The following CCDC122 variants were observed in gnomAD, a reference collection of about 807,000 sequenced individuals.
CCDC122 encodes coiled-coil domain containing 122, also known as coiled-coil domain-containing protein 122.
CCDC122 carries 38 observed loss-of-function variants against 37.0 expected under a neutral mutation model. That is an observed-to-expected ratio of 1.03 (90% CI 0.79 to 1.35). CCDC122 has a LOEUF of 1.35. CCDC122 is among the 40% of genes most tolerant of loss of function. CCDC122 has a pLI of 0.00. For missense variants in CCDC122, 305 were observed against 310.0 expected (o/e 0.98, Z 0.12); for synonymous variants, 83 against 95.6 (o/e 0.87, Z 0.77).
At chr13:43,841,075 G>A (rs560736368) in intron 6 of CCDC122, among the ~76,000 whole-genome samples, 2 of 152,202 alleles carry the variant, frequency 1.3e-5, no homozygotes, top group South Asian at 4.1e-4. Flanking sequence ...TCGGACAGTG[G>A]GTGCAGGACA....
At chr13:43,846,959 G>C (rs1953559764) in intron 6 of CCDC122, among the ~76,000 whole-genome samples, 1 of 152,198 alleles carries the variant, frequency 6.6e-6, no homozygotes, top group South Asian at 2.1e-4. Flanking sequence ...TTACGTAACA[G>C]AAAGAGCACA....
downstream of CCDC122, among the ~76,000 whole-genome samples, chr13:43,832,863 T>C (rs1953102941): frequency 6.6e-6 from 1 of 152,160 alleles, no homozygotes; most frequent in Non-Finnish European, 1.5e-5. Context: ...AAATAATACA[T>C]GCTTTAGACT....
intron 2 of CCDC122, among the ~76,000 whole-genome samples, chr13:43,871,072 T>C (rs1408551338): frequency 1.3e-5 from 2 of 152,120 alleles, no homozygotes; most frequent in African/African-American, 2.4e-5. Flanking sequence ...CCGCGTATAC[T>C]GTATATTTGA....
intron 6 of CCDC122, among the ~76,000 whole-genome samples, chr13:43,838,298 C>T (rs553027766): frequency 6.6e-6 from 1 of 152,162 alleles, no homozygotes; most frequent in East Asian, 1.9e-4. Context: ...TTCCTGTATA[C>T]AGTGATTCAC....
intron 6 of CCDC122, among the ~76,000 whole-genome samples, chr13:43,845,711 A>AAAAACAAAACAAAACAAAAC (rs59721051): frequency 6.6e-6 from 1 of 150,980 alleles, no homozygotes; most frequent in African/African-American, 2.4e-5. Flanking sequence ...CTCCATCTCT[A>AAAAACAAAACAAAACAAAAC]AAAACAAAAC....
At position 43,877,393 on chromosome 13, in the gene CCDC122, C is replaced by A. The variant is rs550388412; in HGVS notation, c.-200+2238G>T. ...TTCATGATTCTGTGGTTTAACTGAC[C>A]TTTTTTCTTATAAAAAAAGCCTTTT... On this transcript the variant is annotated intron_variant, in intron 1 of 6. Transcript: ENST00000444614. Among the ~76,000 whole-genome samples the A allele has an allele frequency of 3.9e-5, 6 of 152,130 alleles. No homozygotes were observed. In the South Asian group the frequency reaches 8.3e-4, roughly 21 times the overall value.
Position 43,837,368 on chromosome 13 carries a change from T to A in CCDC122, c.734A>T (p.Gln245Leu), listed in dbSNP as rs75926034. 1 of 1,614,104 alleles carries A rather than the reference T, an allele frequency of 6.2e-7. No individual in the cohort carries two copies. The highest frequency in any genetic ancestry group is 8.5e-7 in the Non-Finnish European group (1 of 1,179,984). Residue 245 changes from glutamine to leucine, a missense_variant, in exon 7 of 7, where the codon CAG becomes CTG. Coordinates refer to ENST00000444614, the MANE Select transcript of CCDC122 (RefSeq NM_144974.5). ...CCATTGCCACTGTCGTCTATTTGAC[T>A]GAAGCTTGTTCACCTGACAATGCAA... ...KRLHCQVNKL[Q>L]SNRRQWQWNI...
chr13:43,853,862 T>C (rs550686417), intron 6 of CCDC122, among the ~76,000 whole-genome samples: 7 of 152,170 alleles, frequency 4.6e-5, no homozygotes, highest in Admixed American at 3.3e-4. Context: ...TGCATGGAAA[T>C]TGAAAATTGA....
chr13:43,855,724 T>C (rs1379054978), intron 6 of CCDC122: 1 of 151,594 alleles, frequency 6.6e-6, no homozygotes, highest in Non-Finnish European at 1.5e-5. Flanking sequence ...GCTGACAAGG[T>C]TGCAGAGAAA....
chr13:43,845,541 T>A (rs1953492050), intron 6 of CCDC122, among the ~76,000 whole-genome samples: 1 of 152,088 alleles, frequency 6.6e-6, no homozygotes, highest in Non-Finnish European at 1.5e-5. Context: ...CAAAACCCCA[T>A]CTCTACTAAA....
At chr13:43,869,923 C>G (rs1351491530) in intron 2 of CCDC122, among the ~76,000 whole-genome samples, 1 of 152,070 alleles carries the variant, frequency 6.6e-6, no homozygotes, top group Non-Finnish European at 1.5e-5. Flanking sequence ...CTGTCCAGTG[C>G]TATTCTGGAG....
rs143146018 is a variant in CCDC122 at position 43,849,617 on chromosome 13, TG to T, written c.672+9163del. Among the ~76,000 whole-genome samples, 1,511 of 152,328 alleles carry T rather than the reference TG, an allele frequency of 9.9e-3. 7 individuals are homozygous for T. The highest frequency in any genetic ancestry group is 0.024 in the Middle Eastern group (7 of 294). On this transcript the variant is annotated intron_variant, in intron 6 of 6. Coordinates refer to ENST00000444614, the MANE Select transcript of CCDC122 (RefSeq NM_144974.5). The stretch of plus-strand genomic sequence containing the variant: ...CAGACAAAAAGCCCTAAGAAAAATT[TG>T]TTCTATCTAGCCAAAAGATAAGGAA...
At chr13:43,824,559 C>A (rs1953021838) in intron 3 of CCDC122, among the ~76,000 whole-genome samples, 1 of 152,134 alleles carries the variant, frequency 6.6e-6, no homozygotes, top group Admixed American at 6.5e-5. Context: ...GATAATTTGG[C>A]CTTAATTAAA....
At chr13:43,862,846 A>T (rs943257261) in intron 4 of CCDC122, among the ~76,000 whole-genome samples, 1 of 152,084 alleles carries the variant, frequency 6.6e-6, no homozygotes, top group Non-Finnish European at 1.5e-5. Flanking sequence ...AATGTAATTG[A>T]CTATTAATTT....
intron 3 of CCDC122, among the ~76,000 whole-genome samples, chr13:43,829,707 T>C (rs1953070571): frequency 6.6e-6 from 1 of 152,216 alleles, no homozygotes; most frequent in Non-Finnish European, 1.5e-5. Context: ...TCCATGTCCC[T>C]GTCTTTGTCA....
intron 6 of CCDC122, among the ~76,000 whole-genome samples, chr13:43,844,399 T>C (rs1210926541): frequency 1.3e-5 from 2 of 152,052 alleles, no homozygotes; most frequent in African/African-American, 4.8e-5. Flanking sequence ...AATTTCAACT[T>C]TGAAATATGT....
intron 6 of CCDC122, among the ~76,000 whole-genome samples, chr13:43,857,449 AGTGTGTGTGTGTGTGTGT>A: frequency 6.7e-6 from 1 of 149,718 alleles, no homozygotes; most frequent in South Asian, 2.1e-4. Context: ...AATACTTAGA[AGTGTGTGTGTGTGTGTGT>A]GTGTGTGTGT....
chr13:43,842,267 T>C (rs1301724303), intron 6 of CCDC122, among the ~76,000 whole-genome samples: 1 of 152,178 alleles, frequency 6.6e-6, no homozygotes, highest in Non-Finnish European at 1.5e-5. Flanking sequence ...TCCTCACCGA[T>C]ATCCAGTTGT....
At chr13:43,819,238 T>G (rs1952978767), downstream of CCDC122, among the ~76,000 whole-genome samples, 1 of 152,174 alleles carries the variant, frequency 6.6e-6, no homozygotes, top group African/African-American at 2.4e-5. Context: ...GTTGGTGTGA[T>G]TATAAAAATG....
Sources: allele counts gnomAD v4.1 joint callset (sites outside exome capture counted in the v4.1 genomes callset), GRCh38; gene constraint gnomAD v4.1.1; transcripts MANE v1.5; gene names NCBI Gene and HGNC (gene_info 2026-07-23, HGNC 2026-07-21).